Variants in RBL1 observed in about 807,000 individuals in gnomAD.
RBL1 encodes RB transcriptional corepressor like 1.
A neutral mutation model predicts 123.0 loss-of-function variants in RBL1; 82 were observed. That is an observed-to-expected ratio of 0.67 (90% CI 0.56 to 0.80). The LOEUF (loss-of-function observed/expected upper bound fraction) is 0.80. RBL1 is among the 30% of genes least tolerant of loss of function. The probability of loss-of-function intolerance (pLI) is 0.00; values close to 1 mark genes in which losing one functional copy is unlikely to be tolerated. For missense variants in RBL1, 1,171 were observed against 1,299.6 expected, an observed-to-expected ratio of 0.90 and a Z score of 1.52; for synonymous variants, 405 against 441.3, an observed-to-expected ratio of 0.92 and a Z score of 1.03.
intron 14 of RBL1, among the ~76,000 whole-genome samples, chr20:37,038,816 T>A (rs2064674197): frequency 6.6e-6 from 1 of 151,758 alleles, no homozygotes; most frequent in Non-Finnish European, 1.5e-5. Flanking sequence ...TTGGCCAGGC[T>A]GGTCTCAAAC....
At chr20:37,065,530 C>A in intron 6 of RBL1, 57 bp from the exon 7 acceptor site, 1 of 1,139,116 alleles carries the variant, frequency 8.8e-7, no homozygotes, top group Admixed American at 2.1e-5. Context: ...AATACACACA[C>A]AAACGTGAAA....
intron 11 of RBL1, among the ~76,000 whole-genome samples, chr20:37,052,862 G>T (rs1429933061): frequency 6.6e-6 from 1 of 151,956 alleles, no homozygotes; most frequent in East Asian, 1.9e-4. Context: ...GGCTGGTCTT[G>T]AACTCCTGAC....
intron 21 of RBL1, among the ~76,000 whole-genome samples, chr20:36,999,616 C>T (rs28612742): frequency 2.7e-5 from 4 of 149,416 alleles, no homozygotes; most frequent in African/African-American, 9.8e-5. Context: ...CTCAGCCTGC[C>T]GAGTGCCTGC....
chr20:37,012,400 A>G (rs1600457229), intron 19 of RBL1, among the ~76,000 whole-genome samples: 2 of 147,200 alleles, frequency 1.4e-5, no homozygotes, highest in African/African-American at 5.1e-5. Flanking sequence ...CCCGGCCGCC[A>G]TCCCATCTAG....
chr20:37,012,434 G>T (rs575595375), intron 19 of RBL1, among the ~76,000 whole-genome samples: 1 of 151,818 alleles, frequency 6.6e-6, no homozygotes, highest in Non-Finnish European at 1.5e-5. Context: ...CCTCTTCCCG[G>T]CCGCCATCCC....
intron 2 of RBL1, among the ~76,000 whole-genome samples, chr20:37,069,029 G>A (rs1250126379): frequency 2.0e-5 from 3 of 152,322 alleles, no homozygotes; most frequent in South Asian, 4.1e-4. Flanking sequence ...TGGTGGAGAC[G>A]GGGTTTCGCT....
At chr20:37,037,680 G>A (rs1280879841) in intron 14 of RBL1, among the ~76,000 whole-genome samples, 1 of 143,670 alleles carries the variant, frequency 7.0e-6, no homozygotes, top group Non-Finnish European at 1.5e-5. Flanking sequence ...ATGCAATCTT[G>A]TTTTTTTTTT....
At chr20:37,058,578 T>C (rs1447783274) in intron 9 of RBL1, among the ~76,000 whole-genome samples, 1 of 152,054 alleles carries the variant, frequency 6.6e-6, no homozygotes, top group Non-Finnish European at 1.5e-5. Context: ...TTTTGTTTTT[T>C]TGTTTTTGTA....
intron 1 of RBL1, among the ~76,000 whole-genome samples, chr20:37,093,517 T>C (rs1849656562): frequency 6.6e-6 from 1 of 152,120 alleles, no homozygotes; most frequent in Admixed American, 6.6e-5. Flanking sequence ...TGCATGCCTA[T>C]AGTCCCAGCT....
In RBL1 at chr20:37,050,838, AAG is replaced by A. The variant is rs1402927961; in HGVS notation, c.1468-3650_1468-3649del. Among the ~76,000 whole-genome samples, 5 of 151,894 alleles carry A rather than the reference AAG, an allele frequency of 3.3e-5. No homozygotes were observed. The South Asian group carries it at 6.2e-4, about 19-fold the overall frequency. On this transcript the variant is annotated intron_variant, in intron 11 of 21. Coordinates refer to ENST00000373664, the MANE Select transcript of RBL1 (RefSeq NM_002895.5). Reference sequence around the variant, plus strand: ...ATAAATTTAAGAACATCAGTGATAAAAGATACTCAAAGATTTCAGAAAAAAAA... The same window carrying A: ...ATAAATTTAAGAACATCAGTGATAAAATACTCAAAGATTTCAGAAAAAAAA...
chr20:37,002,022 G>A (rs914818195), intron 21 of RBL1, among the ~76,000 whole-genome samples: 2 of 148,164 alleles, frequency 1.3e-5, no homozygotes, highest in African/African-American at 5.0e-5. Flanking sequence ...CAGACCAGAA[G>A]CAGCAGAAGC....
chr20:37,042,908 A>G (rs1030206070), intron 13 of RBL1, among the ~76,000 whole-genome samples: 2 of 119,198 alleles, frequency 1.7e-5, no homozygotes, highest in Non-Finnish European at 3.5e-5. Flanking sequence ...CCCCCCCTCC[A>G]AAAAAAAAAA....
chr20:37,084,771 AC>A (rs1334336270), intron 2 of RBL1, among the ~76,000 whole-genome samples: 6 of 152,058 alleles, frequency 3.9e-5, no homozygotes, highest in African/African-American at 1.4e-4. Flanking sequence ...ACATAGGAAG[AC>A]CTTTTTTTTT....
intron 2 of RBL1, among the ~76,000 whole-genome samples, chr20:37,077,280 T>C (rs1367896376): frequency 6.6e-6 from 1 of 152,158 alleles, no homozygotes; most frequent in Non-Finnish European, 1.5e-5. Flanking sequence ...GCATATATGG[T>C]AGTAAATTTT....
intron 2 of RBL1, among the ~76,000 whole-genome samples, chr20:37,087,631 G>A (rs1210273999): frequency 3.9e-5 from 6 of 151,940 alleles, no homozygotes; most frequent in Non-Finnish European, 7.4e-5. Flanking sequence ...AAGTGATTGT[G>A]GATTATATTC....
rs530590642 is a variant in RBL1 at position 37,013,936 on chromosome 20, T to G, written c.2722+4343A>C. Among the ~76,000 whole-genome samples the G allele has an allele frequency of 7.9e-5, 12 of 152,348 alleles. No individual in the cohort carries two copies. The Middle Eastern group carries it at 0.01, about 130-fold the overall frequency. On this transcript the variant is annotated intron_variant, in intron 19 of 21. Coordinates refer to ENST00000373664, the MANE Select transcript of RBL1 (RefSeq NM_002895.5). ...TTTTACAACTCATAATGAATTTGTTTATAGAACCAGAACTGTTTTTCCCAA... is the reference window on the plus strand; with the variant it reads ...TTTTACAACTCATAATGAATTTGTTGATAGAACCAGAACTGTTTTTCCCAA...
intron 19 of RBL1, among the ~76,000 whole-genome samples, chr20:37,012,037 AT>A (rs1051218159): frequency 6.6e-6 from 1 of 151,982 alleles, no homozygotes; most frequent in Admixed American, 6.6e-5. Context: ...TGGTTTTCGT[AT>A]TTTTTTGGTG....
chr20:37,094,326 T>C (rs2146343276), intron 1 of RBL1, among the ~76,000 whole-genome samples: 1 of 152,336 alleles, frequency 6.6e-6, no homozygotes, highest in African/African-American at 2.4e-5. Context: ...TCCCTTACTT[T>C]CTTATTCTTC....
At chr20:37,068,896 T>C (rs1023500995) in intron 2 of RBL1, among the ~76,000 whole-genome samples, 1 of 152,244 alleles carries the variant, frequency 6.6e-6, no homozygotes, top group African/African-American at 2.4e-5. Context: ...CCTCTCATGC[T>C]GAGCCGAAGC....
Sources: gnomAD v4.1 joint callset for allele counts (sites outside exome capture counted in the v4.1 genomes callset) on GRCh38, gnomAD v4.1.1 for gene constraint, MANE v1.5 for transcripts, NCBI Gene and HGNC (gene_info 2026-07-23, HGNC 2026-07-21) for gene names.